The following NHEJ1 variants were observed in gnomAD, a reference collection of about 807,000 sequenced individuals.
The protein encoded by NHEJ1 is non-homologous end joining factor 1, also known as non-homologous end-joining factor 1.
Under a neutral mutation model 39.4 loss-of-function variants are expected in NHEJ1, and 22 were observed. The observed-to-expected ratio is 0.56, with a 90% confidence interval of 0.40 to 0.80. The LOEUF is 0.80. Ranked by LOEUF, NHEJ1 falls within the 30% of genes least tolerant of loss-of-function variation. The pLI is 0.00. For missense variants in NHEJ1, 329 were observed against 357.1 expected (o/e 0.92, Z 0.63); for synonymous variants, 154 against 135.6 (o/e 1.14, Z -0.94).
At chr2:219,155,271 C>T (rs1949842215) in intron 3 of NHEJ1, among the ~76,000 whole-genome samples, 1 of 151,584 alleles carries the variant, frequency 6.6e-6, no homozygotes, top group Admixed American at 6.6e-5. Context: ...ATGTTTTAAA[C>T]GAAATAAAGT....
rs1486890443 is a variant in NHEJ1, at chr2:219,080,553, AT to A, written c.589-2348del. 1.9e-4 allele frequency among the ~76,000 whole-genome samples: 22 copies of A among 113,968 alleles called. 1 individual carries two copies. Among genetic ancestry groups the A allele is most frequent in the African/African-American group, 7.6e-4 (15 of 19,726 alleles). 74.8% of individuals were successfully genotyped at this position (113,968 alleles called of 152,430 possible). Reference sequence around the variant, plus strand: ...AAAAAATAAATAAATAAATAAAAATATATATATATATATATGCTTTTATATA... The same window carrying A: ...AAAAAATAAATAAATAAATAAAAATAATATATATATATATGCTTTTATATA... On this transcript the variant is annotated intron_variant, in intron 5 of 7. Transcript: ENST00000356853.
intron 5 of NHEJ1, among the ~76,000 whole-genome samples, chr2:219,103,302 G>A (rs938799092): frequency 6.6e-5 from 10 of 151,214 alleles, no homozygotes; most frequent in African/African-American, 1.9e-4. Flanking sequence ...TTGAGACAGA[G>A]TCTTGCTCTG....
chr2:219,085,719 C>T (rs1034318367), intron 5 of NHEJ1, among the ~76,000 whole-genome samples: 4 of 151,868 alleles, frequency 2.6e-5, no homozygotes, highest in African/African-American at 9.7e-5. Flanking sequence ...TCAACTCACC[C>T]CCACCCCCGC....
intron 5 of NHEJ1, among the ~76,000 whole-genome samples, chr2:219,137,971 G>A (rs1028631159): frequency 6.6e-6 from 1 of 152,120 alleles, no homozygotes; most frequent in African/African-American, 2.4e-5. Flanking sequence ...ATACCGAAAG[G>A]ATGAATTAAC....
intron 1 of NHEJ1, among the ~76,000 whole-genome samples, chr2:219,159,566 T>TATATATGC (rs745767133): frequency 0.2 from 3,547 of 17,526 alleles, 355 homozygotes; most frequent in Non-Finnish European, 0.36. Flanking sequence ...TATATATGCA[T>TATATATGC]ATATATATGC....
chr2:219,077,223 C>T, intron 7 of NHEJ1, 23 bp downstream of exon 7: 2 of 1,571,624 alleles, frequency 1.3e-6, no homozygotes. Context: ...AGAACACCAT[C>T]CAGGAAGCTG....
chr2:219,077,195 C>T (rs1417184447), intron 7 of NHEJ1, 51 bp downstream of exon 7: 1 of 1,338,330 alleles, frequency 7.5e-7, no homozygotes, highest in African/African-American at 1.4e-5. Flanking sequence ...GGCTTGGGGG[C>T]TATAGGTGCC....
chr2:219,158,067 A>G (rs1347561896), intron 2 of NHEJ1, 119 bp downstream of exon 2: 14 of 935,560 alleles, frequency 1.5e-5, no homozygotes, highest in African/African-American at 3.2e-5. Flanking sequence ...TACAGGTAGA[A>G]GTACAGGACA....
In NHEJ1 at chr2:219,075,973, G is replaced by C. The variant is rs78586727; in HGVS notation, c.*408C>G. 143 of 283,004 alleles carry C rather than the reference G, an allele frequency of 5.1e-4. 1 individual carries two copies. Among genetic ancestry groups the C allele is most frequent in the African/African-American group, 3.0e-3 (137 of 46,006 alleles). 17.5% of individuals were successfully genotyped at this position (283,004 alleles called of 1,614,324 possible). A position where few individuals can be genotyped will look rare whatever the true frequency, so the allele number is the denominator to read the frequency against. ...CAGCATAAGTAATCCCAAAAGCAGG[G>C]ACTGTGAGTGCTTTTTATTCCATGC... On this transcript the variant is annotated 3_prime_UTR_variant, in exon 8 of 8. Transcript: ENST00000356853.
At chr2:219,087,912 AAATC>A (rs1681922129) in intron 5 of NHEJ1, among the ~76,000 whole-genome samples, 2 of 152,246 alleles carry the variant, frequency 1.3e-5, no homozygotes, top group Non-Finnish European at 2.9e-5. Flanking sequence ...AAACTCTTAA[AAATC>A]AGTAAGAAAA....
At chr2:219,117,882 T>C (rs1461788161) in intron 5 of NHEJ1, among the ~76,000 whole-genome samples, 1 of 152,242 alleles carries the variant, frequency 6.6e-6, no homozygotes, top group African/African-American at 2.4e-5. Context: ...TGGCATACAA[T>C]AGGTACAAAA....
intron 5 of NHEJ1, among the ~76,000 whole-genome samples, chr2:219,113,622 A>C (rs987882305): frequency 6.6e-6 from 1 of 152,166 alleles, no homozygotes; most frequent in African/African-American, 2.4e-5. Flanking sequence ...GTCCTGACAT[A>C]GAAAAGAGCC....
At chr2:219,113,303 G>A (rs1949382377) in intron 5 of NHEJ1, among the ~76,000 whole-genome samples, 1 of 152,010 alleles carries the variant, frequency 6.6e-6, no homozygotes, top group South Asian at 2.1e-4. Context: ...AAGATGATTT[G>A]CATTTGGTGC....
chr2:219,146,279 T>C (rs1949738549), intron 5 of NHEJ1, among the ~76,000 whole-genome samples: 1 of 152,076 alleles, frequency 6.6e-6, no homozygotes, highest in African/African-American at 2.4e-5. Flanking sequence ...TTTACCTTCC[T>C]CTCCTGCAGG....
At chr2:219,143,411 A>G (rs965146165) in intron 5 of NHEJ1, among the ~76,000 whole-genome samples, 3 of 152,180 alleles carry the variant, frequency 2.0e-5, no homozygotes, top group South Asian at 2.1e-4. Flanking sequence ...CAAGAATTCC[A>G]TATTACCCCA....
At chr2:219,134,204 C>T (rs1487206136) in intron 5 of NHEJ1, among the ~76,000 whole-genome samples, 1 of 152,232 alleles carries the variant, frequency 6.6e-6, no homozygotes, top group Non-Finnish European at 1.5e-5. Context: ...TTTGGCCTCT[C>T]TCCTGCACAT....
intron 5 of NHEJ1, among the ~76,000 whole-genome samples, chr2:219,099,519 T>C (rs542857260): frequency 1.8e-4 from 27 of 152,268 alleles, no homozygotes; most frequent in Admixed American, 1.8e-3. Context: ...GCTAAACTCC[T>C]CAAGAAATGA....
intron 5 of NHEJ1, among the ~76,000 whole-genome samples, chr2:219,139,932 GC>G (rs1465942267): frequency 6.6e-6 from 1 of 152,214 alleles, no homozygotes; most frequent in African/African-American, 2.4e-5. Flanking sequence ...ATCTGCCTTG[GC>G]CTCCCAAAGT....
intron 5 of NHEJ1, among the ~76,000 whole-genome samples, chr2:219,137,093 T>C (rs1007724674): frequency 7.0e-6 from 1 of 142,342 alleles, no homozygotes; most frequent in Non-Finnish European, 1.5e-5. Context: ...AAAAAAGAAG[T>C]GGTAACCCCT....
Sources: allele counts gnomAD v4.1 joint callset (sites outside exome capture counted in the v4.1 genomes callset), GRCh38; gene constraint gnomAD v4.1.1; transcripts MANE v1.5; gene names NCBI Gene and HGNC (gene_info 2026-07-23, HGNC 2026-07-21).